NUP35: variants seen among roughly 807,000 people sequenced by gnomAD.
The protein encoded by NUP35 is nucleoporin NUP35.
A neutral mutation model predicts 41.5 loss-of-function variants in NUP35; 25 were observed. The observed-to-expected ratio is 0.60, with a 90% CI of 0.44 to 0.84. The LOEUF (loss-of-function observed/expected upper bound fraction) is 0.84. Ranked by LOEUF, NUP35 falls within the 40% of genes least tolerant of loss-of-function variation. The pLI, the probability that NUP35 is intolerant of heterozygous loss-of-function variation, is 0.00. For missense variants in NUP35, 396 were observed against 396.6 expected, an observed-to-expected ratio of 1.00 and a Z score of 0.01; for synonymous variants, 149 against 130.7, an observed-to-expected ratio of 1.14 and a Z score of -0.96.
In NUP35 at chr2:183,128,496, G is replaced by C. The variant is rs781071638; in HGVS notation, c.211+39G>C. 4 of 1,496,546 alleles carry C rather than the reference G, an allele frequency of 2.7e-6. No homozygotes were observed. The Admixed American group carries it at 7.5e-5, about 28-fold the overall frequency. The allele number at this position is 1,496,546 out of a possible 1,614,324, so 92.7% of individuals were successfully genotyped here. ...TTAAAATAATTTTATAGACATGCTAGATACAGGGATGTCCAATTTTTTGGC... is the reference window on the plus strand; with the variant it reads ...TTAAAATAATTTTATAGACATGCTACATACAGGGATGTCCAATTTTTTGGC... On this transcript the variant is annotated intron_variant, in intron 2 of 8. Coordinates refer to ENST00000295119, the MANE Select transcript of NUP35 (RefSeq NM_138285.5).
upstream of NUP35, among the ~76,000 whole-genome samples, chr2:183,122,334 C>G (rs374316540): frequency 1.3e-5 from 2 of 152,176 alleles, no homozygotes; most frequent in Non-Finnish European, 1.5e-5. Flanking sequence ...CCTTGGCCTC[C>G]CAAAGTGCTG....
intron 4 of NUP35, among the ~76,000 whole-genome samples, chr2:183,146,688 C>T (rs1427123314): frequency 6.6e-6 from 1 of 152,022 alleles, no homozygotes; most frequent in Non-Finnish European, 1.5e-5. Context: ...CCTCTACTCC[C>T]CGGGTTTGAG....
At chr2:183,123,460 A>G (rs1700097430), upstream of NUP35, among the ~76,000 whole-genome samples, 1 of 152,176 alleles carries the variant, frequency 6.6e-6, no homozygotes, top group Non-Finnish European at 1.5e-5. Context: ...TTAAAATTTG[A>G]TTTCTGTGAA....
At chr2:183,126,642 G>GTTTTTTTTTTTTTTTTTTTTTTTTTTTTT (rs71008267) in intron 1 of NUP35, among the ~76,000 whole-genome samples, 1 of 145,756 alleles carries the variant, frequency 6.9e-6, no homozygotes, top group South Asian at 2.2e-4. Flanking sequence ...TATTGAATTT[G>GTTTTTTTTTTTTTTTTTTTTTTTTTTTTT]TTTTTTTTTT....
upstream of NUP35, chr2:183,124,397 T>C: frequency 6.2e-7 from 1 of 1,613,886 alleles, no homozygotes; most frequent in Non-Finnish European, 8.5e-7. Flanking sequence ...GTGGGGAGCG[T>C]TTCCGCCATT....
chr2:183,156,857 G>A (rs971749252), intron 5 of NUP35, among the ~76,000 whole-genome samples: 2 of 152,082 alleles, frequency 1.3e-5, no homozygotes, highest in Admixed American at 1.3e-4. Flanking sequence ...AAACCATACA[G>A]AACTTTATAA....
In NUP35 at chr2:183,128,296, C is replaced by T. The variant is rs1684569425; in HGVS notation, c.50C>T (p.Pro17Leu). 6.2e-7 allele frequency: 1 copy of T among 1,608,796 alleles called. No homozygotes were observed. Among genetic ancestry groups the T allele is most frequent in the African/African-American group, 1.3e-5 (1 of 74,796 alleles). The change falls in exon 2 of 9, where the codon CCA becomes CTA. Residue 17 changes from proline to leucine, a missense_variant. Pro to Leu is a moderately conservative substitution (Grantham distance 98). Coordinates refer to ENST00000295119, the MANE Select transcript of NUP35 (RefSeq NM_138285.5). The part of the protein sequence containing the change: ...EPQGPALGSE[P>L]MMLGSPTSPK... ...TTTTTGATTCATGTAGGATCTGAAC[C>T]AATGATGCTGGGTTCACCCACATCT...
intron 3 of NUP35, among the ~76,000 whole-genome samples, chr2:183,132,197 A>T (rs1559144004): frequency 6.6e-6 from 1 of 151,794 alleles, no homozygotes; most frequent in Non-Finnish European, 1.5e-5. Context: ...TAACTTTTGT[A>T]TTTTTTGTAG....
chr2:183,123,157 G>A (rs1360485406), upstream of NUP35, among the ~76,000 whole-genome samples: 1 of 152,166 alleles, frequency 6.6e-6, no homozygotes, highest in Non-Finnish European at 1.5e-5. Flanking sequence ...ATTCTCCCCT[G>A]GAGCCTCCAG....
In NUP35 at chr2:183,138,245, C is replaced by CTA. The variant is rs1208421272; in HGVS notation, c.397+4646_397+4647dup. Among the ~76,000 whole-genome samples the CTA allele has an allele frequency of 7.0e-3, 792 of 112,624 alleles. 7 individuals carry two copies. The highest frequency in any genetic ancestry group is 0.029 in the Middle Eastern group (6 of 206). 73.9% of individuals were successfully genotyped at this position (112,624 alleles called of 152,430 possible). ...GAAAACCTAGATTTTTCATTTAGAG[C>CTA]TATATATATATATATATATATATAT... On this transcript the variant is annotated intron_variant, in intron 4 of 8. Coordinates refer to ENST00000295119, the MANE Select transcript of NUP35 (RefSeq NM_138285.5).
chr2:183,124,404 C>G (rs1700115952), upstream of NUP35: 25 of 1,613,996 alleles, frequency 1.5e-5, no homozygotes, highest in South Asian at 2.5e-4. Flanking sequence ...GCGTTTCCGC[C>G]ATTTTTGAAA....
chr2:183,156,213 C>A (rs770681305), intron 5 of NUP35, among the ~76,000 whole-genome samples: 1 of 152,130 alleles, frequency 6.6e-6, no homozygotes, highest in Non-Finnish European at 1.5e-5. Flanking sequence ...TTTGTTTGAT[C>A]TCTGCCCTGT....
intron 3 of NUP35, 83 bp from the exon 4 acceptor site, chr2:183,133,483 G>A (rs2105555241): frequency 9.4e-7 from 1 of 1,066,668 alleles, no homozygotes; most frequent in Non-Finnish European, 1.4e-6. Flanking sequence ...TAAAAATTCA[G>A]TTATCCATTG....
chr2:183,136,064 G>A (rs537497523), intron 4 of NUP35, among the ~76,000 whole-genome samples: 3 of 152,152 alleles, frequency 2.0e-5, no homozygotes, highest in South Asian at 2.1e-4. Flanking sequence ...CTCATTGGCC[G>A]TGTCTTTAAA....
chr2:183,153,106 C>G (rs1685527199), intron 5 of NUP35, among the ~76,000 whole-genome samples: 1 of 152,086 alleles, frequency 6.6e-6, no homozygotes, highest in Non-Finnish European at 1.5e-5. Context: ...GAGACTTATT[C>G]ATTATCATGA....
Position 183,161,089 on chromosome 2 carries a change from A to C in NUP35, c.939A>C (p.Glu313Asp). The change falls in exon 9 of 9, where the codon GAA (glutamate) becomes GAC (aspartate). Residue 313 changes from glutamate to aspartate, a missense_variant. Physicochemically the swap from Glu to Asp is conservative, Grantham distance 45. Transcript: ENST00000295119. ...ISDRQTPKKD[E>D]SLVSKAMEYM... Reference sequence around the variant, plus strand: ...ACAGACAAACGCCAAAAAAAGATGAAAGTCTTGTATCCAAAGCAATGGAGT... The same window carrying C: ...ACAGACAAACGCCAAAAAAAGATGACAGTCTTGTATCCAAAGCAATGGAGT... 1.2e-6 allele frequency: 2 copies of C among 1,613,434 alleles called. No individual in the cohort carries two copies. The highest frequency in any genetic ancestry group is 1.7e-6 in the Non-Finnish European group (2 of 1,179,564).
rs138263828 is a variant in NUP35 at position 183,146,417 on chromosome 2, A to G, written c.398-5091A>G. ...ACATCTATTAAGCTTATTGAAGAAT[A>G]TATTTTATCCAGAACACTATTCTAG... On this transcript the variant is annotated intron_variant, in intron 4 of 8. Coordinates refer to ENST00000295119, the MANE Select transcript of NUP35 (RefSeq NM_138285.5). Among the ~76,000 whole-genome samples the G allele has an allele frequency of 4.4e-3, 665 of 152,298 alleles. 5 individuals are homozygous for G. The highest frequency in any genetic ancestry group is 0.014 in the African/African-American group (598 of 41,560).
At chr2:183,157,055 T>C (rs1575137932) in intron 5 of NUP35, among the ~76,000 whole-genome samples, 1 of 152,226 alleles carries the variant, frequency 6.6e-6, no homozygotes, top group East Asian at 1.9e-4. Context: ...TAATTTAAAA[T>C]TCTTTATCTT....
intron 5 of NUP35, among the ~76,000 whole-genome samples, chr2:183,157,113 A>G (rs1347423014): frequency 6.6e-6 from 1 of 152,234 alleles, no homozygotes; most frequent in Non-Finnish European, 1.5e-5. Flanking sequence ...ACATACACAT[A>G]TTGAAATAAA....
Sources: allele counts gnomAD v4.1 joint callset (sites outside exome capture counted in the v4.1 genomes callset), GRCh38; gene constraint gnomAD v4.1.1; transcripts MANE v1.5; gene names NCBI Gene and HGNC (gene_info 2026-07-23, HGNC 2026-07-21).